The following TRIM24 variants were observed in gnomAD, a reference collection of about 807,000 sequenced individuals.
TRIM24 encodes the protein transcription intermediary factor 1-alpha.
In TRIM24, 29 loss-of-function variants were observed where a neutral mutation model predicts 123.9. The observed-to-expected ratio is 0.23, with a 90% confidence interval of 0.17 to 0.32. TRIM24 has a LOEUF of 0.32. Among genes scored for constraint, TRIM24 ranks in the 10% least tolerant of loss-of-function variants. TRIM24 has a pLI of 1.00. For missense variants in TRIM24, 932 were observed against 1,295.3 expected (o/e 0.72, Z 4.31); for synonymous variants, 456 against 461.1 (o/e 0.99, Z 0.14).
At chr7:138,463,519 A>ACC (rs1314291818) in intron 1 of TRIM24, among the ~76,000 whole-genome samples, 1 of 152,148 alleles carries the variant, frequency 6.6e-6, no homozygotes, top group Admixed American at 6.5e-5. Flanking sequence ...GGTGTGAGCC[A>ACC]CCCCACCCGT....
intron 2 of TRIM24, among the ~76,000 whole-genome samples, chr7:138,511,478 C>A (rs140027134): frequency 1.3e-5 from 2 of 151,852 alleles, no homozygotes; most frequent in Non-Finnish European, 2.9e-5. Flanking sequence ...TTAGTAGAAA[C>A]GGGATTTCAC....
At chr7:138,475,126 G>C (rs527246378) in intron 1 of TRIM24, among the ~76,000 whole-genome samples, 9 of 152,256 alleles carry the variant, frequency 5.9e-5, no homozygotes, top group African/African-American at 1.9e-4. Flanking sequence ...AACTTAACCA[G>C]GGCATCAAGA....
At chr7:138,583,303 A>ACT (rs1797941352) in intron 17 of TRIM24, among the ~76,000 whole-genome samples, 4 of 152,226 alleles carry the variant, frequency 2.6e-5, no homozygotes, top group Non-Finnish European at 5.9e-5. Context: ...AAGAGGAAAT[A>ACT]TGTGAAGACA....
At chr7:138,567,772 A>AT in intron 10 of TRIM24, 118 bp downstream of exon 10, 2 of 1,078,196 alleles carry the variant, frequency 1.9e-6, no homozygotes, top group Admixed American at 3.6e-5. Context: ...CTTCTTTTTC[A>AT]TTTTTTAAAT....
chr7:138,460,398 C>T lies in TRIM24; in HGVS notation c.-151C>T. 2 of 834,730 alleles carry T rather than the reference C, an allele frequency of 2.4e-6. No individual in the cohort carries two copies. Among genetic ancestry groups the T allele is most frequent in the Middle Eastern group, 4.0e-4 (1 of 2,500 alleles). 51.7% of individuals were successfully genotyped at this position (834,730 alleles called of 1,614,324 possible). On this transcript the variant is annotated 5_prime_UTR_variant, in exon 1 of 19. Coordinates refer to ENST00000343526, the MANE Select transcript of TRIM24 (RefSeq NM_015905.3). ...GATCCCGTGGGCCTGAGGAGGCTTC[C>T]CCCGCCCGGTTTGCTTTCCCTCCCT...
In TRIM24 at chr7:138,476,699, C is replaced by T. The variant is rs116330241; in HGVS notation, c.364+15787C>T. ...AAAGGAAGATAATCCATTATATTGC[C>T]GGTGGGAATGCAGAATGCTAAAACT... On this transcript the variant is annotated intron_variant, in intron 1 of 18. Transcript: ENST00000343526. Among the ~76,000 whole-genome samples, 206 of 151,854 alleles carry T rather than the reference C, an allele frequency of 1.4e-3. 1 individual carries two copies. The highest frequency in any genetic ancestry group is 3.9e-3 in the African/African-American group (163 of 41,400).
At chr7:138,474,149 G>A (rs778814308) in intron 1 of TRIM24, among the ~76,000 whole-genome samples, 9 of 133,766 alleles carry the variant, frequency 6.7e-5, no homozygotes, top group African/African-American at 8.7e-5. Context: ...TTTTTGAGAC[G>A]GAGTCTTGCT....
chr7:138,497,393 C>CTTTTTTTTT (rs869232002), intron 1 of TRIM24, among the ~76,000 whole-genome samples: 2 of 88,338 alleles, frequency 2.3e-5, no homozygotes, highest in African/African-American at 9.2e-5. Flanking sequence ...ATTACAATTT[C>CTTTTTTTTT]TTTTTTTTTT....
chr7:138,551,462 G>A (rs1438907624), intron 8 of TRIM24, among the ~76,000 whole-genome samples: 1 of 152,096 alleles, frequency 6.6e-6, no homozygotes, highest in Non-Finnish European at 1.5e-5. Flanking sequence ...CTGGAGGATC[G>A]AAGAAAATAT....
At chr7:138,525,429 T>G in intron 5 of TRIM24, 72 bp downstream of exon 5, 3 of 828,462 alleles carry the variant, frequency 3.6e-6, no homozygotes, top group Non-Finnish European at 5.2e-6. Flanking sequence ...ACATTTTCCT[T>G]AAGTCACAGT....
rs939861962 is a variant in TRIM24 at position 138,580,668 on chromosome 7, G to T, written c.2692G>T (p.Val898Phe). The stretch of plus-strand genomic sequence containing the variant: ...AGAAAAAAAGAAAACTGAAGGCCTT[G>T]TTAAGTTAACACCTATAGATAAAAG... The part of the protein sequence containing the change: ...NSEKKKTEGL[V>F]KLTPIDKRKC... The change falls in exon 16 of 19, where the codon GTT becomes TTT. Residue 898 changes from valine (V) to phenylalanine (F), a missense_variant. Physicochemically the swap from Val to Phe is conservative, Grantham distance 50. Transcript: ENST00000343526. The T allele has an allele frequency of 7.4e-6, 12 of 1,613,660 alleles. No individual in the cohort carries two copies. Among genetic ancestry groups the T allele is most frequent in the Non-Finnish European group, 1.0e-5 (12 of 1,179,844 alleles).
chr7:138,533,027 T>C lies in TRIM24; in HGVS notation c.996+3797T>C, dbSNP rs536636087. 6.8e-4 allele frequency among the ~76,000 whole-genome samples: 104 copies of C among 152,334 alleles called. No individual in the cohort carries two copies. In the Middle Eastern group the frequency reaches 0.01, roughly 15 times the overall value. On this transcript the variant is annotated intron_variant, in intron 6 of 18. Transcript: ENST00000343526. ...TGGCTCTCTGTTTGTCTGTTATTGG[T>C]GTATAAGAATGCTTGTGATTTTTGC...
chr7:138,461,357 A>G, intron 1 of TRIM24: 1 of 418,000 alleles, frequency 2.4e-6, no homozygotes, highest in South Asian at 1.8e-5. Flanking sequence ...GCTGCAGGGG[A>G]GAAGGGAGGG....
chr7:138,473,667 A>T (rs953402376), intron 1 of TRIM24, among the ~76,000 whole-genome samples: 3 of 152,270 alleles, frequency 2.0e-5, no homozygotes, highest in Non-Finnish European at 4.4e-5. Context: ...CTATCACTGT[A>T]TGCTTACTAG....
intron 3 of TRIM24, 92 bp downstream of exon 3, chr7:138,515,451 A>G: frequency 1.4e-6 from 2 of 1,433,918 alleles, no homozygotes; most frequent in African/African-American, 1.4e-5. Context: ...ATTTGTTTTG[A>G]TAAGTATTAA....
chr7:138,529,271 G>A, intron 6 of TRIM24, 41 bp downstream of exon 6: 1 of 1,022,984 alleles, frequency 9.8e-7, no homozygotes, highest in Non-Finnish European at 1.4e-6. Flanking sequence ...ATTCAACATA[G>A]TATTTCCTAA....
At position 138,519,259 on chromosome 7, in the gene TRIM24, C is replaced by T; in HGVS notation, c.702C>T (p.Tyr234=). Residue 234 remains tyrosine, a synonymous_variant, in exon 4 of 19, where the codon TAC becomes TAT. Transcript: ENST00000343526. Reference sequence around the variant, plus strand: ...ATAAAAAGGAGCAGCTGAAGCTGTACTGTGAGACATGTGACAAACTGACAT... The same window carrying T: ...ATAAAAAGGAGCAGCTGAAGCTGTATTGTGAGACATGTGACAAACTGACAT... ...PFHKKEQLKL[Y]CETCDKLTCR... 6.2e-7 allele frequency: 1 copy of T among 1,614,002 alleles called. No individual in the cohort carries two copies. The highest frequency in any genetic ancestry group is 8.5e-7 in the Non-Finnish European group (1 of 1,179,984).
chr7:138,504,266 A>C (rs1796100973), intron 1 of TRIM24, 24 bp from the exon 2 acceptor site: 1 of 1,489,868 alleles, frequency 6.7e-7, no homozygotes, highest in South Asian at 1.2e-5. Flanking sequence ...ATTAAAACTT[A>C]GAATATAATT....
intron 1 of TRIM24, among the ~76,000 whole-genome samples, chr7:138,463,043 GTTTTTTT>G (rs57719141): frequency 0.02 from 1,189 of 60,152 alleles, 18 homozygotes; most frequent in Admixed American, 0.087. Flanking sequence ...CTAATTTTGT[GTTTTTTT>G]TTTTTTTTTT....
Sources: allele counts gnomAD v4.1 joint callset (sites outside exome capture counted in the v4.1 genomes callset), GRCh38; gene constraint gnomAD v4.1.1; transcripts MANE v1.5; gene names NCBI Gene and HGNC (gene_info 2026-07-23, HGNC 2026-07-21).